The following FNDC3B variants were observed in gnomAD, a reference collection of about 807,000 sequenced individuals.
FNDC3B encodes the protein fibronectin type III domain-containing protein 3B.
FNDC3B carries 12 observed loss-of-function variants against 151.5 expected under a neutral mutation model. The observed-to-expected ratio is 0.08, with a 90% CI of 0.05 to 0.13. The LOEUF (loss-of-function observed/expected upper bound fraction) is 0.13. Ranked by LOEUF, FNDC3B falls within the 10% of genes least tolerant of loss-of-function variation. FNDC3B has a pLI of 1.00. For synonymous variants in FNDC3B, 528 were observed against 549.0 expected (o/e 0.96, Z 0.54); for missense variants, 1,214 against 1,505.3 (o/e 0.81, Z 3.20).
chr3:172,131,963 A>G (rs1721128346), intron 2 of FNDC3B, among the ~76,000 whole-genome samples: 1 of 152,204 alleles, frequency 6.6e-6, no homozygotes, highest in South Asian at 2.1e-4. Flanking sequence ...ATGGGGCTAG[A>G]TAGCTGGATG....
At chr3:172,259,183 C>T (rs1312958238) in intron 6 of FNDC3B, among the ~76,000 whole-genome samples, 1 of 152,172 alleles carries the variant, frequency 6.6e-6, no homozygotes, top group East Asian at 1.9e-4. Flanking sequence ...CAGTGGAATT[C>T]ATCCATCTGG....
intron 3 of FNDC3B, among the ~76,000 whole-genome samples, chr3:172,138,093 C>G (rs577169359): frequency 1.3e-5 from 2 of 152,322 alleles, no homozygotes; most frequent in African/African-American, 4.8e-5. Context: ...GTAAAATCCT[C>G]CAGCCAAAAC....
chr3:172,382,188 A>G (rs1043070199), intron 25 of FNDC3B, among the ~76,000 whole-genome samples: 1 of 152,174 alleles, frequency 6.6e-6, no homozygotes, highest in Non-Finnish European at 1.5e-5. Context: ...ATGGTATCTC[A>G]TAGTAGTTTT....
At position 172,344,190 on chromosome 3, in the gene FNDC3B, T is replaced by A; in HGVS notation, c.2182T>A (p.Cys728Ser). 1 of 1,613,912 alleles carries A rather than the reference T, an allele frequency of 6.2e-7. No homozygotes were observed. Among genetic ancestry groups the A allele is most frequent in the South Asian group, 1.1e-5 (1 of 91,070 alleles). The part of the protein sequence containing the change: ...SEVYHGPELE[C>S]TVGNLLPGTV... The stretch of plus-strand genomic sequence containing the variant: ...AGTGTACCATGGCCCAGAGCTGGAG[T>A]GCACCGTCGGCAACCTGCTTCCTGG... The change falls in exon 19 of 26, where the codon TGC becomes AGC. Residue 728 changes from cysteine to serine, a missense_variant. Cys to Ser is a moderately radical substitution (Grantham distance 112). Transcript: ENST00000415807.
chr3:172,226,099 A>G (rs1349587537), intron 3 of FNDC3B, among the ~76,000 whole-genome samples: 1 of 152,100 alleles, frequency 6.6e-6, no homozygotes, highest in Admixed American at 6.6e-5. Context: ...TGAGGTCAGG[A>G]GTTCAAGACC....
chr3:172,397,062 G>C (rs1244585136), intron 25 of FNDC3B, 102 bp from the exon 26 acceptor site: 3 of 854,142 alleles, frequency 3.5e-6, no homozygotes, highest in Non-Finnish European at 5.5e-6. Flanking sequence ...GAGTGAATGT[G>C]AATATAAACC....
intron 8 of FNDC3B, among the ~76,000 whole-genome samples, chr3:172,298,301 G>T (rs1361954723): frequency 6.6e-6 from 1 of 152,214 alleles, no homozygotes; most frequent in Non-Finnish European, 1.5e-5. Flanking sequence ...GAGGAAGTGA[G>T]ATTGTGATTT....
intron 15 of FNDC3B, chr3:172,335,625 G>A (rs919010499): frequency 6.6e-6 from 1 of 152,084 alleles, no homozygotes; most frequent in African/African-American, 2.4e-5. Context: ...TGAACTTTGG[G>A]AAATTTTAAC....
Position 172,392,810 on chromosome 3 carries a change from CTTT to C in FNDC3B, c.3304-4344_3304-4342del, listed in dbSNP as rs1167627679. 2.0e-5 allele frequency among the ~76,000 whole-genome samples: 2 copies of C among 99,874 alleles called. 1 individual carries two copies. The highest frequency in any genetic ancestry group is 2.9e-4 in the Admixed American group (2 of 6,890). The allele number at this position is 99,874 out of a possible 152,430, so 65.5% of individuals were successfully genotyped here. On this transcript the variant is annotated intron_variant, in intron 25 of 25. Coordinates refer to ENST00000415807, the MANE Select transcript of FNDC3B (RefSeq NM_022763.4). ...GAATGAATTTTTTCTTTTTTTTTTT[CTTT>C]TTTTTTTTTCAGACAGAGAGTATTG...
At chr3:172,322,116 G>A (rs1732115845) in intron 11 of FNDC3B, among the ~76,000 whole-genome samples, 1 of 152,162 alleles carries the variant, frequency 6.6e-6, no homozygotes, top group African/African-American at 2.4e-5. Flanking sequence ...TGGACTCTGG[G>A]TTAGGGATTT....
At chr3:172,190,034 A>G (rs1045428090) in intron 3 of FNDC3B, among the ~76,000 whole-genome samples, 2 of 152,168 alleles carry the variant, frequency 1.3e-5, no homozygotes, top group African/African-American at 2.4e-5. Flanking sequence ...TCACAGAACT[A>G]GCAAGAGCAG....
chr3:172,239,054 T>A (rs1385807758), intron 4 of FNDC3B, among the ~76,000 whole-genome samples: 2 of 79,670 alleles, frequency 2.5e-5, no homozygotes, highest in Non-Finnish European at 4.3e-5. Context: ...AATTAATTTA[T>A]TTTTTTTTTT....
chr3:172,186,688 T>C (rs781202479), intron 3 of FNDC3B: 2 of 698,436 alleles, frequency 2.9e-6, no homozygotes, highest in South Asian at 3.0e-5. Context: ...TACCTCCCTA[T>C]CTTGATTTTT....
At chr3:172,330,816 C>T (rs1732613316) in intron 13 of FNDC3B, 101 bp downstream of exon 13, 6 of 890,942 alleles carry the variant, frequency 6.7e-6, no homozygotes, top group Non-Finnish European at 1.0e-5. Context: ...CAGTTCAAAG[C>T]CAAACTCTTA....
chr3:172,148,303 T>C (rs966367191), intron 3 of FNDC3B, among the ~76,000 whole-genome samples: 8 of 152,228 alleles, frequency 5.3e-5, no homozygotes, highest in South Asian at 4.1e-4. Flanking sequence ...GATGTACTTA[T>C]TCAAGCAATA....
At chr3:172,257,932 T>C (rs1332203709) in intron 6 of FNDC3B, among the ~76,000 whole-genome samples, 1 of 152,176 alleles carries the variant, frequency 6.6e-6, no homozygotes, top group African/African-American at 2.4e-5. Flanking sequence ...ACCAAGATTT[T>C]AAATGGCAGG....
At chr3:172,344,684 C>T (rs1733518142) in intron 19 of FNDC3B, among the ~76,000 whole-genome samples, 1 of 152,178 alleles carries the variant, frequency 6.6e-6, no homozygotes, top group Non-Finnish European at 1.5e-5. Flanking sequence ...AGGGTAGTGG[C>T]CAGGGACACC....
At chr3:172,272,406 T>C (rs1352493039) in intron 6 of FNDC3B, among the ~76,000 whole-genome samples, 1 of 152,104 alleles carries the variant, frequency 6.6e-6, no homozygotes, top group African/African-American at 2.4e-5. Context: ...AAGTAACCTT[T>C]GTGGCAGTGG....
chr3:172,209,069 C>A (rs890332264), intron 3 of FNDC3B, among the ~76,000 whole-genome samples: 3 of 151,494 alleles, frequency 2.0e-5, no homozygotes, highest in Non-Finnish European at 4.4e-5. Flanking sequence ...GAGTTCTGGG[C>A]TCTCAGTAGG....
Sources: allele counts gnomAD v4.1 joint callset (sites outside exome capture counted in the v4.1 genomes callset), GRCh38; gene constraint gnomAD v4.1.1; transcripts MANE v1.5; gene names NCBI Gene and HGNC (gene_info 2026-07-23, HGNC 2026-07-21).